The following PM20D1 variants were observed in gnomAD, a reference collection of about 807,000 sequenced individuals.
The protein encoded by PM20D1 is N-fatty-acyl-amino acid synthase/hydrolase PM20D1.
A neutral mutation model predicts 53.8 loss-of-function variants in PM20D1; 53 were observed. The ratio of observed to expected loss-of-function variants is 0.98; its 90% CI spans 0.79 to 1.24. PM20D1 has a LOEUF of 1.24. Among genes scored for constraint, PM20D1 ranks in the 50% most tolerant of loss-of-function variants. PM20D1 has a pLI of 0.00. For missense variants in PM20D1, 564 were observed against 616.8 expected (o/e 0.91, Z 0.91); for synonymous variants, 239 against 241.3 (o/e 0.99, Z 0.09).
chr1:205,835,577 G>A (rs558178877), intron 10 of PM20D1, among the ~76,000 whole-genome samples: 235 of 149,552 alleles, frequency 1.6e-3, no homozygotes, highest in African/African-American at 5.3e-3. Context: ...GCATGAACCC[G>A]GGAGGCGGAG....
chr1:205,832,482 G>T, intron 11 of PM20D1, 116 bp downstream of exon 11: 2 of 1,131,586 alleles, frequency 1.8e-6, no homozygotes, highest in Non-Finnish European at 2.5e-6. Flanking sequence ...ATCAGGAGGG[G>T]AAGCAGCCAG....
At chr1:205,835,100 C>T (rs1035882829) in intron 10 of PM20D1, among the ~76,000 whole-genome samples, 2 of 152,230 alleles carry the variant, frequency 1.3e-5, no homozygotes, top group South Asian at 2.1e-4. Context: ...TTCCTAAGTA[C>T]GTACAGTTAG....
intron 11 of PM20D1, 107 bp downstream of exon 11, chr1:205,832,491 A>C: frequency 3.3e-6 from 4 of 1,224,876 alleles, no homozygotes; most frequent in Non-Finnish European, 4.6e-6. Flanking sequence ...GGAAGCAGCC[A>C]GCTGTTTACA....
chr1:205,842,762 A>G lies in PM20D1; in HGVS notation c.828-11T>C. The stretch of plus-strand genomic sequence containing the variant: ...GGTGTCTGCTCCAATCTGGAAGAGA[A>G]ACAGAGTCCTCAAGACTTAGCGAAC... On this transcript the variant is annotated splice_polypyrimidine_tract_variant and intron_variant, in intron 6 of 12. Coordinates refer to ENST00000367136, the MANE Select transcript of PM20D1 (RefSeq NM_152491.5). The G allele has an allele frequency of 6.2e-7, 1 of 1,613,572 alleles. No individual in the cohort carries two copies. The highest frequency in any genetic ancestry group is 8.5e-7 in the Non-Finnish European group (1 of 1,179,834).
rs766754304 is a variant in PM20D1 at position 205,845,386 on chromosome 1, C to T, written c.428G>A (p.Gly143Glu). 9.3e-6 allele frequency: 15 copies of T among 1,614,086 alleles called. No homozygotes were observed. The highest frequency in any genetic ancestry group is 1.3e-5 in the Non-Finnish European group (15 of 1,180,036). Residue 143 changes from glycine (G) to glutamate (E), a missense_variant, in exon 3 of 13, where the codon GGG (glycine) becomes GAG (glutamate). Gly to Glu is a moderately conservative substitution (Grantham distance 98). Coordinates refer to ENST00000367136, the MANE Select transcript of PM20D1 (RefSeq NM_152491.5). Reference sequence around the variant, plus strand: ...ATAGATGATGCCATCACGCTCCAACCCAGAGAATGGGGGCACCTCCCAGCC... The same window carrying T: ...ATAGATGATGCCATCACGCTCCAACTCAGAGAATGGGGGCACCTCCCAGCC... Reference protein sequence around the residue: ...EEGWEVPPFSGLERDGIIYGR... With the variant: ...EEGWEVPPFSELERDGIIYGR...
chr1:205,833,810 C>G (rs1278419629), intron 10 of PM20D1, among the ~76,000 whole-genome samples: 1 of 152,072 alleles, frequency 6.6e-6, no homozygotes, highest in Non-Finnish European at 1.5e-5. Flanking sequence ...TGTCCCATAG[C>G]TGCAGATCAC....
At chr1:205,838,340 G>T (rs1239427695) in intron 10 of PM20D1, among the ~76,000 whole-genome samples, 1 of 152,172 alleles carries the variant, frequency 6.6e-6, no homozygotes, top group Non-Finnish European at 1.5e-5. Context: ...TACTGTGGAT[G>T]TCAGACATTC....
At chr1:205,831,775 G>T (rs2102522641) in intron 11 of PM20D1, among the ~76,000 whole-genome samples, 1 of 152,124 alleles carries the variant, frequency 6.6e-6, no homozygotes, top group East Asian at 1.9e-4. Context: ...TATTGGTCAG[G>T]CTGGTCTTGA....
rs1171184971 is a variant in PM20D1, at chr1:205,844,811, C to T, written c.576G>A (p.Glu192=). The part of the protein sequence containing the change: ...SFFISLGHDE[E]SSGTGAQRIS... ...TAGGTATAAGGTGAGGAGGCTCTAC[C>T]TCCTCATCATGGCCCAGAGAAATGA... The change falls in exon 4 of 13, where the codon GAG becomes GAA. Residue 192 remains glutamate (E), a splice_region_variant and synonymous_variant. Coordinates refer to ENST00000367136, the MANE Select transcript of PM20D1 (RefSeq NM_152491.5). The T allele has an allele frequency of 6.2e-7, 1 of 1,613,344 alleles. No homozygotes were observed. Among genetic ancestry groups the T allele is most frequent in the Admixed American group, 1.7e-5 (1 of 60,016 alleles).
chr1:205,831,563 CTCCT>C (rs1362331483), intron 11 of PM20D1, among the ~76,000 whole-genome samples: 11 of 125,344 alleles, frequency 8.8e-5, no homozygotes, highest in African/African-American at 3.3e-4. Context: ...CAACGTCTCT[CTCCT>C]TTTTTTTTTT....
chr1:205,839,443 G>A (rs992708928), intron 10 of PM20D1, among the ~76,000 whole-genome samples: 5 of 152,032 alleles, frequency 3.3e-5, no homozygotes, highest in African/African-American at 1.2e-4. Context: ...TATAATCTTG[G>A]GTATGCTGTT....
chr1:205,845,182 G>A (rs950616675), intron 3 of PM20D1, 143 bp downstream of exon 3: 18 of 828,714 alleles, frequency 2.2e-5, no homozygotes, highest in Non-Finnish European at 3.4e-5. Flanking sequence ...GAGAAGGGAA[G>A]TGACAAACTG....
rs778986723 is a variant in PM20D1, at chr1:205,844,156, G to A, written c.638C>T (p.Ala213Val). 2 of 1,614,024 alleles carry A rather than the reference G, an allele frequency of 1.2e-6. No individual in the cohort carries two copies. Among genetic ancestry groups the A allele is most frequent in the South Asian group, 2.2e-5 (2 of 91,052 alleles). The change falls in exon 5 of 13, where the codon GCC becomes GTC. Residue 213 changes from alanine (A) to valine (V), a missense_variant. Transcript: ENST00000367136. ...GAAGCCCCCCTCGTCCACAATGAAG[G>A]CTAGCTGGACGCCCCTTGACTGTAG... Reference protein sequence around the residue: ...ALLQSRGVQLAFIVDEGGFIL... With the variant: ...ALLQSRGVQLVFIVDEGGFIL...
Position 205,842,868 on chromosome 1 carries a change from C to T in PM20D1, c.828-117G>A, listed in dbSNP as rs147503060. ...CAACGCTCCTGGCCAAGAGGTCTCT[C>T]ATTCACCTCCCTCCCACCTCCACCA... is the stretch of plus-strand genomic sequence containing the variant. On this transcript the variant is annotated intron_variant, in intron 6 of 12. Coordinates refer to ENST00000367136, the MANE Select transcript of PM20D1 (RefSeq NM_152491.5). 2,788 of 792,258 alleles carry T rather than the reference C, an allele frequency of 3.5e-3. 41 individuals are homozygous for T. The African/African-American group carries it at 0.042, about 12-fold the overall frequency. 49.1% of individuals were successfully genotyped at this position (792,258 alleles called of 1,614,324 possible).
intron 2 of PM20D1, among the ~76,000 whole-genome samples, chr1:205,846,826 G>A (rs1400823122): frequency 1.3e-5 from 2 of 151,874 alleles, no homozygotes; most frequent in South Asian, 2.1e-4. Flanking sequence ...CCCGAAAACC[G>A]AAGAAGACTA....
intron 4 of PM20D1, among the ~76,000 whole-genome samples, 163 bp downstream of exon 4, chr1:205,844,648 G>T (rs934609939): frequency 1.3e-5 from 2 of 152,184 alleles, no homozygotes; most frequent in Non-Finnish European, 2.9e-5. Flanking sequence ...CTGAATTTTG[G>T]TCAAGGTCCT....
chr1:205,835,794 G>A (rs1185964374), intron 10 of PM20D1, among the ~76,000 whole-genome samples: 1 of 152,176 alleles, frequency 6.6e-6, no homozygotes, highest in Non-Finnish European at 1.5e-5. Context: ...GTACAAGAAT[G>A]GAACTAGGAG....
At chr1:205,838,394 C>T (rs1656731483) in intron 10 of PM20D1, among the ~76,000 whole-genome samples, 1 of 152,246 alleles carries the variant, frequency 6.6e-6, no homozygotes, top group Non-Finnish European at 1.5e-5. Context: ...TTAAACATTA[C>T]TGCCTTAGGA....
At position 205,842,141 on chromosome 1, in the gene PM20D1, G is replaced by T. The variant is rs369606807; in HGVS notation, c.965+13C>A. The T allele has an allele frequency of 2.2e-5, 35 of 1,605,038 alleles. No individual in the cohort carries two copies. The highest frequency in any genetic ancestry group is 4.0e-5 in the African/African-American group (3 of 74,676). ...AGGTGAGGGATGTGAAAAAAGGAAA[G>T]ATAATACTTTACCTGCTTATAAGTG... On this transcript the variant is annotated intron_variant, in intron 8 of 12. Coordinates refer to ENST00000367136, the MANE Select transcript of PM20D1 (RefSeq NM_152491.5).
Sources: allele counts gnomAD v4.1 joint callset (sites outside exome capture counted in the v4.1 genomes callset), GRCh38; gene constraint gnomAD v4.1.1; transcripts MANE v1.5; gene names NCBI Gene and HGNC (gene_info 2026-07-23, HGNC 2026-07-21).